The following EPB41L5 variants were observed in gnomAD, a reference collection of about 807,000 sequenced individuals.
EPB41L5 encodes the protein erythrocyte membrane protein band 4.1 like 5, also known as band 4.1-like protein 5.
Under a neutral mutation model 106.6 loss-of-function variants are expected in EPB41L5, and 55 were observed. The ratio of observed to expected loss-of-function variants is 0.52; its 90% CI spans 0.42 to 0.65. The LOEUF is 0.65. EPB41L5 is among the 30% of genes least tolerant of loss of function. EPB41L5 has a pLI of 0.00. For missense variants in EPB41L5, 871 were observed against 882.1 expected (o/e 0.99, Z 0.16); for synonymous variants, 297 against 306.7 (o/e 0.97, Z 0.33).
chr2:120,076,946 T>C (rs1466131188), intron 7 of EPB41L5, 25 bp from the exon 8 acceptor site: 12 of 1,565,754 alleles, frequency 7.7e-6, no homozygotes, highest in Non-Finnish European at 8.7e-6. Flanking sequence ...GAAATACATA[T>C]AACTTTTGAA....
chr2:120,027,443 G>A lies in EPB41L5; in HGVS notation c.180+8179G>A, dbSNP rs145080046. Among the ~76,000 whole-genome samples the A allele has an allele frequency of 1.1e-4, 16 of 152,366 alleles. No homozygotes were observed. The East Asian group carries it at 3.1e-3, about 29-fold the overall frequency. On this transcript the variant is annotated intron_variant, in intron 2 of 24. Coordinates refer to ENST00000263713, the MANE Select transcript of EPB41L5 (RefSeq NM_020909.4). ...AAAGAAGGCAGTCACAAAAGACCATGTGATTTCATTCATGTGAAATTCCAG... is the reference window on the plus strand; with the variant it reads ...AAAGAAGGCAGTCACAAAAGACCATATGATTTCATTCATGTGAAATTCCAG...
chr2:120,155,370 TTTACTC>T (rs1686857843), intron 20 of EPB41L5, among the ~76,000 whole-genome samples: 1 of 152,328 alleles, frequency 6.6e-6, no homozygotes. Flanking sequence ...GAAGTTGGCT[TTTACTC>T]TTATGAGGAT....
chr2:120,174,925 A>G lies in EPB41L5; in HGVS notation c.*18A>G, dbSNP rs1558923420. On this transcript the variant is annotated 3_prime_UTR_variant, in exon 25 of 25. Coordinates refer to ENST00000263713, the MANE Select transcript of EPB41L5 (RefSeq NM_020909.4). Reference sequence around the variant, plus strand: ...AGCTCTGAGGGCCTGTAGCTGGAATACGCATCTCTCCAGCATTCCGTCCTG... The same window carrying G: ...AGCTCTGAGGGCCTGTAGCTGGAATGCGCATCTCTCCAGCATTCCGTCCTG... 2 of 1,608,016 alleles carry G rather than the reference A, an allele frequency of 1.2e-6. No individual in the cohort carries two copies. The highest frequency in any genetic ancestry group is 1.7e-6 in the Non-Finnish European group (2 of 1,174,396).
intron 3 of EPB41L5, among the ~76,000 whole-genome samples, chr2:120,069,329 T>TA (rs1207659902): frequency 6.6e-6 from 1 of 151,962 alleles, no homozygotes; most frequent in Non-Finnish European, 1.5e-5. Flanking sequence ...AGCAAGTTCT[T>TA]AGAGACCTAC....
intron 16 of EPB41L5, among the ~76,000 whole-genome samples, chr2:120,112,083 C>G (rs1684751741): frequency 6.6e-6 from 1 of 152,094 alleles, no homozygotes; most frequent in South Asian, 2.1e-4. Flanking sequence ...GCCCCCTGCC[C>G]AGTCTTCTTT....
At chr2:120,061,802 A>T (rs550514608) in intron 3 of EPB41L5, among the ~76,000 whole-genome samples, 75 of 152,334 alleles carry the variant, frequency 4.9e-4, no homozygotes, top group Non-Finnish European at 6.5e-4. Flanking sequence ...GAATTTTAAG[A>T]TGTCAGTATT....
At chr2:120,057,156 C>T (rs1407677230) in intron 3 of EPB41L5, among the ~76,000 whole-genome samples, 1 of 152,090 alleles carries the variant, frequency 6.6e-6, no homozygotes, top group East Asian at 1.9e-4. Context: ...TCGCAAAGTG[C>T]TGGGATTACA....
At chr2:120,165,262 A>C (rs1031426872) in intron 22 of EPB41L5, among the ~76,000 whole-genome samples, 1 of 152,230 alleles carries the variant, frequency 6.6e-6, no homozygotes, top group African/African-American at 2.4e-5. Flanking sequence ...GAACATATCA[A>C]TCATTATTAC....
chr2:120,061,535 A>G lies in EPB41L5; in HGVS notation c.286-11643A>G, dbSNP rs559667086. Among the ~76,000 whole-genome samples the G allele has an allele frequency of 2.7e-5, 4 of 150,392 alleles. No individual in the cohort carries two copies. In the South Asian group the frequency reaches 8.4e-4, roughly 32 times the overall value. On this transcript the variant is annotated intron_variant, in intron 3 of 24. Transcript: ENST00000263713. Reference sequence around the variant, plus strand: ...ACCGCGCCCGGCCTTTTTTTTTAATAGAGACAGGGTTTCACCACGTTGGGT... The same window carrying G: ...ACCGCGCCCGGCCTTTTTTTTTAATGGAGACAGGGTTTCACCACGTTGGGT...
intron 16 of EPB41L5, chr2:120,104,367 C>T (rs2105408295): frequency 1.4e-6 from 2 of 1,402,490 alleles, no homozygotes; most frequent in Non-Finnish European, 1.8e-6. Flanking sequence ...ACTAGTTGTT[C>T]AGTGCTGTTT....
At chr2:120,115,158 T>A (rs541874009) in intron 16 of EPB41L5, among the ~76,000 whole-genome samples, 1 of 152,338 alleles carries the variant, frequency 6.6e-6, no homozygotes, top group East Asian at 1.9e-4. Flanking sequence ...GAATCTGAAG[T>A]GTATCCCTTC....
chr2:120,039,717 C>T (rs1239299487), intron 2 of EPB41L5, among the ~76,000 whole-genome samples: 1 of 150,866 alleles, frequency 6.6e-6, no homozygotes, highest in Non-Finnish European at 1.5e-5. Context: ...CCCAGCTACT[C>T]GGGAGGCTGA....
At chr2:120,087,734 C>T (rs1360462487) in intron 11 of EPB41L5, among the ~76,000 whole-genome samples, 1 of 152,170 alleles carries the variant, frequency 6.6e-6, no homozygotes, top group African/African-American at 2.4e-5. Flanking sequence ...AGTAATCCTC[C>T]CATCTTAGCT....
intron 10 of EPB41L5, among the ~76,000 whole-genome samples, chr2:120,079,767 A>C (rs928315152): frequency 6.6e-6 from 1 of 152,036 alleles, no homozygotes; most frequent in African/African-American, 2.4e-5. Context: ...TCTTCTCCTC[A>C]AGCTTTTTTA....
At chr2:120,091,782 G>A (rs1383549773) in intron 13 of EPB41L5, 121 bp downstream of exon 13, 5 of 701,586 alleles carry the variant, frequency 7.1e-6, no homozygotes, top group South Asian at 2.0e-5. Context: ...GTCAACTAAA[G>A]TACTTTTCTG....
chr2:120,036,931 A>G (rs1679075789), intron 2 of EPB41L5, among the ~76,000 whole-genome samples: 1 of 152,168 alleles, frequency 6.6e-6, no homozygotes, highest in East Asian at 1.9e-4. Context: ...GGAACAAGAT[A>G]AAGGTATCTG....
At chr2:120,059,979 GAGAGGATATAC>G (rs1482976466) in intron 3 of EPB41L5, among the ~76,000 whole-genome samples, 1 of 152,168 alleles carries the variant, frequency 6.6e-6, no homozygotes, top group Non-Finnish European at 1.5e-5. Flanking sequence ...CATTTCACCT[GAGAGGATATAC>G]AGATGACAAA....
chr2:120,164,682 A>G (rs570448172), intron 21 of EPB41L5, among the ~76,000 whole-genome samples, 154 bp from the exon 22 acceptor site: 1 of 152,362 alleles, frequency 6.6e-6, no homozygotes, highest in Admixed American at 6.5e-5. Context: ...AAGTGGAATC[A>G]TTAACAACCA....
chr2:120,128,024 G>C (rs1189449385), intron 17 of EPB41L5, 173 bp downstream of exon 17: 5 of 484,172 alleles, frequency 1.0e-5, no homozygotes, highest in Non-Finnish European at 1.7e-5. Context: ...AAATATTTAA[G>C]ATAACATAAT....
Sources: allele counts gnomAD v4.1 joint callset (sites outside exome capture counted in the v4.1 genomes callset), GRCh38; gene constraint gnomAD v4.1.1; transcripts MANE v1.5; gene names NCBI Gene and HGNC (gene_info 2026-07-23, HGNC 2026-07-21).